NRG3: variants seen among roughly 807,000 people sequenced by gnomAD.
NRG3 encodes the protein neuregulin 3, also known as pro-neuregulin-3, membrane-bound isoform.
Under a neutral mutation model 66.9 loss-of-function variants are expected in NRG3, and 31 were observed. The observed-to-expected ratio is 0.46, with a 90% confidence interval of 0.35 to 0.63. The LOEUF is 0.63. Among genes scored for constraint, NRG3 ranks in the 20% least tolerant of loss-of-function variants. The pLI, the probability that NRG3 is intolerant of heterozygous loss-of-function variation, is 0.00. For missense variants in NRG3, 910 were observed against 878.9 expected, an observed-to-expected ratio of 1.04 and a Z score of -0.45; for synonymous variants, 393 against 359.4, an observed-to-expected ratio of 1.09 and a Z score of -1.06.
intron 2 of NRG3, among the ~76,000 whole-genome samples, chr10:82,363,849 T>A (rs900009362): frequency 6.6e-6 from 1 of 152,200 alleles, no homozygotes; most frequent in Non-Finnish European, 1.5e-5. Context: ...AATTATGAAT[T>A]TAAATGTCTA....
intron 1 of NRG3, among the ~76,000 whole-genome samples, chr10:82,098,270 T>C (rs1319602544): frequency 5.3e-5 from 8 of 150,664 alleles, no homozygotes; most frequent in Non-Finnish European, 7.4e-5. Flanking sequence ...TATATAGATG[T>C]CATATATATA....
intron 3 of NRG3, among the ~76,000 whole-genome samples, chr10:82,776,519 T>G (rs998817630): frequency 2.0e-5 from 3 of 152,200 alleles, no homozygotes; most frequent in Admixed American, 2.0e-4. Flanking sequence ...AAGCTTTATG[T>G]GCCTTTTTCC....
At chr10:81,933,098 G>T (rs1295761578) in intron 1 of NRG3, among the ~76,000 whole-genome samples, 6 of 133,142 alleles carry the variant, frequency 4.5e-5, no homozygotes, top group Non-Finnish European at 7.7e-5. Flanking sequence ...ACAGAGCAAC[G>T]CTCCATCTCA....
intron 1 of NRG3, among the ~76,000 whole-genome samples, chr10:82,320,354 G>T (rs967180965): frequency 6.6e-6 from 1 of 152,120 alleles, no homozygotes; most frequent in Non-Finnish European, 1.5e-5. Context: ...AATTGGTGTG[G>T]AAGAGGAGAA....
At chr10:82,857,341 T>C (rs1477980005) in intron 3 of NRG3, among the ~76,000 whole-genome samples, 1 of 151,978 alleles carries the variant, frequency 6.6e-6, no homozygotes, top group East Asian at 1.9e-4. Flanking sequence ...AATAAAGAGA[T>C]CATGCTCTGT....
rs149285118 is a variant in NRG3, at chr10:82,606,252, A to G, written c.954-132325A>G. Among the ~76,000 whole-genome samples, 540 of 152,254 alleles carry G rather than the reference A, an allele frequency of 3.5e-3. 1 individual carries two copies. Among genetic ancestry groups the G allele is most frequent in the African/African-American group, 0.012 (515 of 41,560 alleles). ...TTTTGTTTAGTTCAAAATATTTTAAAATTTCTTTTGAGACTTCTTCTTTGA... is the reference window on the plus strand; with the variant it reads ...TTTTGTTTAGTTCAAAATATTTTAAGATTTCTTTTGAGACTTCTTCTTTGA... On this transcript the variant is annotated intron_variant, in intron 2 of 8. Transcript: ENST00000372141.
intron 6 of NRG3, among the ~76,000 whole-genome samples, chr10:82,971,119 CATGAATTAATAGAATG>C (rs1163740764): frequency 6.6e-6 from 1 of 151,980 alleles, no homozygotes; most frequent in Non-Finnish European, 1.5e-5. Flanking sequence ...CTAGTTCTTC[CATGAATTAATAGAATG>C]AGAACTCACT....
At chr10:82,501,828 A>G (rs1844219678) in intron 2 of NRG3, among the ~76,000 whole-genome samples, 1 of 152,054 alleles carries the variant, frequency 6.6e-6, no homozygotes, top group Non-Finnish European at 1.5e-5. Flanking sequence ...TATTATTAAT[A>G]TTTTTATCCT....
intron 2 of NRG3, among the ~76,000 whole-genome samples, chr10:82,695,675 T>C (rs1329036546): frequency 6.6e-6 from 1 of 152,170 alleles, no homozygotes; most frequent in Non-Finnish European, 1.5e-5. Context: ...TATAAATTTA[T>C]AGCGAGGAAA....
intron 3 of NRG3, among the ~76,000 whole-genome samples, chr10:82,755,964 G>A (rs1462899238): frequency 1.3e-5 from 2 of 152,126 alleles, no homozygotes; most frequent in East Asian, 1.9e-4. Context: ...TTTCATACAA[G>A]TGTTCTTGCA....
chr10:82,546,900 G>C (rs1375165829), intron 2 of NRG3, among the ~76,000 whole-genome samples: 1 of 151,968 alleles, frequency 6.6e-6, no homozygotes, highest in African/African-American at 2.4e-5. Flanking sequence ...ACCCAAAACT[G>C]TTGCCCATCA....
At chr10:82,837,205 G>A (rs112556704) in intron 3 of NRG3, among the ~76,000 whole-genome samples, 30 of 152,194 alleles carry the variant, frequency 2.0e-4, no homozygotes, top group South Asian at 6.2e-4. Context: ...ATAAACATAC[G>A]TGTGCATGTG....
At chr10:82,402,932 T>C (rs2087216762) in intron 2 of NRG3, among the ~76,000 whole-genome samples, 1 of 152,186 alleles carries the variant, frequency 6.6e-6, no homozygotes, top group East Asian at 1.9e-4. Context: ...ATCTCAATAA[T>C]TGAGTTTTTA....
intron 2 of NRG3, among the ~76,000 whole-genome samples, chr10:82,364,258 T>C (rs1038669711): frequency 6.6e-6 from 1 of 152,196 alleles, no homozygotes; most frequent in Non-Finnish European, 1.5e-5. Flanking sequence ...ACTAAGTCTA[T>C]TTGAATGTGT....
chr10:82,934,899 C>T (rs147921526), intron 4 of NRG3, among the ~76,000 whole-genome samples: 11 of 152,212 alleles, frequency 7.2e-5, no homozygotes, highest in East Asian at 1.9e-4. Context: ...ATCACCATAC[C>T]GTGGGTTTGT....
chr10:82,874,767 A>G (rs938824749), intron 4 of NRG3, among the ~76,000 whole-genome samples: 3 of 152,214 alleles, frequency 2.0e-5, no homozygotes, highest in African/African-American at 7.2e-5. Flanking sequence ...TAGGAGTTGA[A>G]TTCAAATCTG....
intron 2 of NRG3, among the ~76,000 whole-genome samples, chr10:82,625,590 G>C (rs1358298933): frequency 6.6e-6 from 1 of 152,138 alleles, no homozygotes; most frequent in Non-Finnish European, 1.5e-5. Flanking sequence ...TTCAGTCCTT[G>C]TCCTTGTTTT....
chr10:82,104,886 A>T (rs1400851090), intron 1 of NRG3, among the ~76,000 whole-genome samples: 1 of 152,136 alleles, frequency 6.6e-6, no homozygotes, highest in African/African-American at 2.4e-5. Flanking sequence ...AAAAGGAATT[A>T]TTGCTTTTAT....
At chr10:82,419,182 G>A (rs990714179) in intron 2 of NRG3, among the ~76,000 whole-genome samples, 3 of 152,100 alleles carry the variant, frequency 2.0e-5, no homozygotes, top group East Asian at 1.9e-4. Flanking sequence ...TTCACAAAAT[G>A]GAAATCCATT....
Sources: gnomAD v4.1 joint callset for allele counts (sites outside exome capture counted in the v4.1 genomes callset) on GRCh38, gnomAD v4.1.1 for gene constraint, MANE v1.5 for transcripts, NCBI Gene and HGNC (gene_info 2026-07-23, HGNC 2026-07-21) for gene names.